Variants in ABCA13 observed in about 807,000 individuals in gnomAD.
The protein encoded by ABCA13 is ATP-binding cassette sub-family A member 13.
ABCA13 carries 476 observed loss-of-function variants against 478.7 expected under a neutral mutation model. The ratio of observed to expected loss-of-function variants is 0.99; its 90% CI spans 0.92 to 1.07. The LOEUF is 1.07. Among genes scored for constraint, ABCA13 ranks in the 50% least tolerant of loss-of-function variants. The pLI is 0.00. For missense variants in ABCA13, 6,060 were observed against 5,910.6 expected, an observed-to-expected ratio of 1.03 and a Z score of -0.83; for synonymous variants, 2,252 against 2,158.9, an observed-to-expected ratio of 1.04 and a Z score of -1.20.
intron 58 of ABCA13, among the ~76,000 whole-genome samples, chr7:48,598,086 G>A (rs1054262735): frequency 6.6e-6 from 1 of 152,086 alleles, no homozygotes; most frequent in African/African-American, 2.4e-5. Context: ...AATTTTCTGT[G>A]TTCCACCTAT....
chr7:48,265,244 T>A (rs1050139038), intron 15 of ABCA13, among the ~76,000 whole-genome samples: 17 of 151,436 alleles, frequency 1.1e-4, no homozygotes, highest in Non-Finnish European at 1.6e-4. Context: ...GTTCTTTTTT[T>A]TAAAAAAAAT....
intron 45 of ABCA13, among the ~76,000 whole-genome samples, chr7:48,475,951 A>C (rs866814608): frequency 6.6e-6 from 1 of 152,214 alleles, no homozygotes; most frequent in Non-Finnish European, 1.5e-5. Flanking sequence ...GCTCCAGTGG[A>C]TAACAACACT....
At chr7:48,281,508 TC>T in intron 19 of ABCA13, 56 bp downstream of exon 19, 1 of 1,448,806 alleles carries the variant, frequency 6.9e-7, no homozygotes, top group South Asian at 1.2e-5. Flanking sequence ...TTTTCAGAAC[TC>T]AGGTGTCAGA....
At chr7:48,442,838 C>A (rs1331884844) in intron 42 of ABCA13, among the ~76,000 whole-genome samples, 4 of 152,192 alleles carry the variant, frequency 2.6e-5, no homozygotes, top group African/African-American at 4.8e-5. Flanking sequence ...AAAAAGAATT[C>A]TACTTACAAT....
At chr7:48,559,534 C>G (rs1176023555) in intron 55 of ABCA13, among the ~76,000 whole-genome samples, 1 of 152,122 alleles carries the variant, frequency 6.6e-6, no homozygotes, top group Non-Finnish European at 1.5e-5. Context: ...CCCACTATGG[C>G]TGAGCTGGTA....
At chr7:48,349,171 A>G (rs1279368062) in intron 29 of ABCA13, among the ~76,000 whole-genome samples, 3 of 152,252 alleles carry the variant, frequency 2.0e-5, no homozygotes, top group Admixed American at 6.5e-5. Flanking sequence ...ACACTTCACT[A>G]TTATTGTAGA....
At chr7:48,177,494 C>T (rs1194203795) in intron 1 of ABCA13, among the ~76,000 whole-genome samples, 4 of 152,208 alleles carry the variant, frequency 2.6e-5, no homozygotes, top group Non-Finnish European at 5.9e-5. Context: ...CCCAGGGGCG[C>T]TCCATACACA....
intron 20 of ABCA13, among the ~76,000 whole-genome samples, chr7:48,289,225 C>T (rs1005461382): frequency 6.6e-6 from 1 of 151,960 alleles, no homozygotes; most frequent in Non-Finnish European, 1.5e-5. Flanking sequence ...CCTGAGCAGT[C>T]CCTAGCAATG....
intron 3 of ABCA13, among the ~76,000 whole-genome samples, chr7:48,217,756 G>A (rs1159644998): frequency 6.6e-6 from 1 of 152,154 alleles, no homozygotes; most frequent in Non-Finnish European, 1.5e-5. Flanking sequence ...GCCCTTTGAA[G>A]GGGTGATTCT....
intron 60 of ABCA13, among the ~76,000 whole-genome samples, chr7:48,644,347 C>T (rs1795297420): frequency 6.6e-6 from 1 of 152,150 alleles, no homozygotes; most frequent in African/African-American, 2.4e-5. Flanking sequence ...CTTTGGGCAT[C>T]TTATGATTCC....
Position 48,279,797 on chromosome 7 carries a change from G to C in ABCA13, c.8603G>C (p.Arg2868Thr). 1 of 1,603,688 alleles carries C rather than the reference G, an allele frequency of 6.2e-7. No individual in the cohort carries two copies. Among genetic ancestry groups the C allele is most frequent in the Non-Finnish European group, 8.5e-7 (1 of 1,177,106 alleles). Residue 2868 changes from arginine to threonine, a missense_variant, in exon 18 of 62, where the codon AGA becomes ACA. This residue lies in a region of ABCA13 where 4,423 missense variants were observed against 4,309.1 expected (regional missense o/e 1.03). Transcript: ENST00000435803. ...GKNVTSEKEE[R>T]TKKEMIDFPY... ...AATGTCACATCAGAAAAAGAAGAGA[G>C]AACCAAGAAAGAGATGATTGACTTT...
chr7:48,480,607 G>A (rs548097600), intron 45 of ABCA13, among the ~76,000 whole-genome samples: 4 of 152,156 alleles, frequency 2.6e-5, no homozygotes, highest in Admixed American at 6.5e-5. Context: ...CTGGTGAGTC[G>A]CTGGAGAAAA....
intron 59 of ABCA13, among the ~76,000 whole-genome samples, chr7:48,621,729 A>C (rs999695369): frequency 6.6e-6 from 1 of 152,248 alleles, no homozygotes; most frequent in Non-Finnish European, 1.5e-5. Flanking sequence ...GTATGTGTTC[A>C]TAAGTTAAGA....
At chr7:48,441,593 A>G (rs1429420869) in intron 42 of ABCA13, among the ~76,000 whole-genome samples, 1 of 152,188 alleles carries the variant, frequency 6.6e-6, no homozygotes, top group Non-Finnish European at 1.5e-5. Flanking sequence ...GATGCCTGCA[A>G]CTGCACTTTT....
chr7:48,594,814 G>A lies in ABCA13; in HGVS notation c.14744+1G>A. On this transcript the variant is annotated splice_donor_variant, in intron 58 of 61. Coordinates refer to ENST00000435803, the MANE Select transcript of ABCA13 (RefSeq NM_152701.5). LOFTEE classifies it high-confidence loss of function. ...GTGCTGCGGTGCTGACCTCCCACAG[G>A]TGAGTTCCAGTTTCTCTTGTAGCCA... 1 of 1,613,162 alleles carries A rather than the reference G, an allele frequency of 6.2e-7. No individual in the cohort carries two copies. Among genetic ancestry groups the A allele is most frequent in the East Asian group, 2.2e-5 (1 of 44,860 alleles).
intron 21 of ABCA13, among the ~76,000 whole-genome samples, chr7:48,297,003 G>C (rs1584706038): frequency 6.6e-6 from 1 of 152,084 alleles, no homozygotes; most frequent in Non-Finnish European, 1.5e-5. Context: ...GGTTCATCTC[G>C]GTTGGCAGGA....
At chr7:48,378,448 G>A (rs145838275) in intron 35 of ABCA13, among the ~76,000 whole-genome samples, 9 of 152,184 alleles carry the variant, frequency 5.9e-5, no homozygotes, top group Non-Finnish European at 1.2e-4. Flanking sequence ...TAATCTTTTG[G>A]AAGTACCTTG....
At chr7:48,394,344 G>C (rs1330213887) in intron 38 of ABCA13, among the ~76,000 whole-genome samples, 2 of 152,110 alleles carry the variant, frequency 1.3e-5, no homozygotes, top group Non-Finnish European at 2.9e-5. Context: ...TCTTATGGTG[G>C]ATCCCTGAGC....
At chr7:48,218,755 A>G (rs1786876264) in intron 3 of ABCA13, among the ~76,000 whole-genome samples, 1 of 152,330 alleles carries the variant, frequency 6.6e-6, no homozygotes, top group East Asian at 1.9e-4. Flanking sequence ...TATTTTATTC[A>G]TCAGTAAATG....
Sources: gnomAD v4.1 joint callset for allele counts (sites outside exome capture counted in the v4.1 genomes callset) on GRCh38, gnomAD v4.1.1 for gene constraint, gnomAD v4.1.1 regional missense constraint, MANE v1.5 for transcripts, NCBI Gene and HGNC (gene_info 2026-07-23, HGNC 2026-07-21) for gene names.